The following PCDHA9 variants were observed in gnomAD, a reference collection of about 807,000 sequenced individuals.
The protein encoded by PCDHA9 is protocadherin alpha 9.
Under a neutral mutation model 62.0 loss-of-function variants are expected in PCDHA9, and 62 were observed. That is an observed-to-expected ratio of 1.00 (90% CI 0.81 to 1.23). The LOEUF (loss-of-function observed/expected upper bound fraction) is 1.23, where lower values mean the gene tolerates loss of function less well. Ranked by LOEUF, PCDHA9 falls within the 50% of genes most tolerant of loss-of-function variation. PCDHA9 has a pLI of 0.00. For missense variants in PCDHA9, 1,205 were observed against 1,249.8 expected (o/e 0.96, Z 0.54); for synonymous variants, 557 against 567.6 (o/e 0.98, Z 0.27).
At chr5:140,895,912 A>G (rs1215168324) in intron 1 of PCDHA9, among the ~76,000 whole-genome samples, 1 of 152,146 alleles carries the variant, frequency 6.6e-6, no homozygotes, top group African/African-American at 2.4e-5. Context: ...CCCGGGCTCA[A>G]CAATTATCCT....
At position 140,973,495 on chromosome 5, in the gene PCDHA9, T is replaced by TA. The variant is rs148545809; in HGVS notation, c.2395-5454_2395-5453insA. Among the ~76,000 whole-genome samples, 585 of 152,336 alleles carry TA rather than the reference T, an allele frequency of 3.8e-3. 2 individuals are homozygous for TA. Among genetic ancestry groups the TA allele is most frequent in the African/African-American group, 0.013 (553 of 41,574 alleles). ...AATTTCATATTGGTCACAGGACTCTTCTTCTGAGAAAAAGTTTATTTTCTT... is the reference window on the plus strand; with the variant it reads ...AATTTCATATTGGTCACAGGACTCTTACTTCTGAGAAAAAGTTTATTTTCTT... On this transcript the variant is annotated intron_variant, in intron 1 of 3. Coordinates refer to ENST00000532602, the MANE Select transcript of PCDHA9 (RefSeq NM_031857.2).
intron 1 of PCDHA9, chr5:140,861,595 T>G (rs1195852387): frequency 1.9e-5 from 7 of 367,584 alleles, no homozygotes; most frequent in Admixed American, 8.8e-5. Context: ...GAGGTGAAAG[T>G]GAAGAACAAT....
In PCDHA9 at chr5:141,010,293, GC is replaced by G; in HGVS notation, c.*357del. The G allele has an allele frequency of 6.5e-7, 1 of 1,549,794 alleles. No individual in the cohort carries two copies. The highest frequency in any genetic ancestry group is 8.7e-7 in the Non-Finnish European group (1 of 1,146,454). On this transcript the variant is annotated 3_prime_UTR_variant, in exon 4 of 4. Transcript: ENST00000532602. ...ATCCTGTCTTGATGACACTTGCAGG[GC>G]AGGCTGAAAAGTTTTGAGATTGAGC...
At chr5:140,877,575 C>T (rs1244471489) in intron 1 of PCDHA9, 1 of 1,613,826 alleles carries the variant, frequency 6.2e-7, no homozygotes, top group Non-Finnish European at 8.5e-7. Context: ...TGTACCTCAT[C>T]ATCGCCATCT....
chr5:140,981,691 T>C (rs1370541525), intron 2 of PCDHA9, among the ~76,000 whole-genome samples: 1 of 150,826 alleles, frequency 6.6e-6, no homozygotes, highest in East Asian at 2.1e-4. Flanking sequence ...CCTTCCATCA[T>C]TCATTCATTC....
At chr5:140,972,624 G>A (rs2096543924) in intron 1 of PCDHA9, among the ~76,000 whole-genome samples, 1 of 150,616 alleles carries the variant, frequency 6.6e-6, no homozygotes, top group Non-Finnish European at 1.5e-5. Flanking sequence ...GAATGTTGTT[G>A]GCACTCCCTT....
chr5:140,874,567 G>A (rs2055003260), intron 1 of PCDHA9, among the ~76,000 whole-genome samples: 1 of 152,180 alleles, frequency 6.6e-6, no homozygotes, highest in African/African-American at 2.4e-5. Flanking sequence ...GCATTTTAGT[G>A]CTCCATTGTT....
chr5:140,862,294 T>G, intron 1 of PCDHA9: 1 of 269,096 alleles, frequency 3.7e-6, no homozygotes, highest in Non-Finnish European at 7.3e-6. Context: ...AGGAGGACGC[T>G]CCACTGGGTA....
chr5:140,992,698 A>G (rs764226558), intron 3 of PCDHA9, among the ~76,000 whole-genome samples: 4 of 152,094 alleles, frequency 2.6e-5, no homozygotes, highest in Non-Finnish European at 4.4e-5. Flanking sequence ...GGGGTGGGTA[A>G]TGTTCCTGCC....
Position 140,931,003 on chromosome 5 carries a change from A to G in PCDHA9, c.2395-47946A>G, listed in dbSNP as rs2087240942. On this transcript the variant is annotated intron_variant, in intron 1 of 3. Coordinates refer to ENST00000532602, the MANE Select transcript of PCDHA9 (RefSeq NM_031857.2). The stretch of plus-strand genomic sequence containing the variant: ...CTTCCTCATGACCTACACTAATAAC[A>G]TAACAGAGGAATTTTCTGATTGTAG... Among the ~76,000 whole-genome samples the G allele has an allele frequency of 2.0e-5, 3 of 152,232 alleles. No homozygotes were observed. The South Asian group carries it at 6.2e-4, about 32-fold the overall frequency.
chr5:140,926,762 C>A (rs1186997274), intron 1 of PCDHA9: 5 of 1,326,554 alleles, frequency 3.8e-6, no homozygotes, highest in East Asian at 2.8e-5. Context: ...CGCTGAGTAT[C>A]CAGCCCGCAG....
chr5:140,856,041 A>T lies in PCDHA9; in HGVS notation c.2394+5152A>T, dbSNP rs797043647. Reference sequence around the variant, plus strand: ...ATTCGTCGATTTGTAAAACAAGAGAAGGATAAGATGGTTTCCAGATGTAGC... The same window carrying T: ...ATTCGTCGATTTGTAAAACAAGAGATGGATAAGATGGTTTCCAGATGTAGC... On this transcript the variant is annotated intron_variant, in intron 1 of 3. Coordinates refer to ENST00000532602, the MANE Select transcript of PCDHA9 (RefSeq NM_031857.2). 1.9e-6 allele frequency: 3 copies of T among 1,569,530 alleles called. No individual in the cohort carries two copies. The African/African-American group carries it at 4.1e-5, about 21-fold the overall frequency.
rs1562462413 is a variant in PCDHA9, at chr5:140,849,948, CAGG to C, written c.1456_1458del (p.Glu486del). 6.3e-7 allele frequency: 1 copy of C among 1,597,844 alleles called. No individual in the cohort carries two copies. The highest frequency in any genetic ancestry group is 1.7e-5 in the Admixed American group (1 of 59,302). On this transcript the variant is annotated inframe_deletion, in exon 1 of 4. Coordinates refer to ENST00000532602, the MANE Select transcript of PCDHA9 (RefSeq NM_031857.2). ...GGTGTCTGCGCGGGACGCTGACGCG[CAGG>C]AGAACGCCCTGGTGTCCTACTCGCT...
rs2094433165 is a variant in PCDHA9, at chr5:140,949,923, G to T, written c.2395-29026G>T. Among the ~76,000 whole-genome samples the T allele has an allele frequency of 2.7e-5, 4 of 150,516 alleles. No homozygotes were observed. In the South Asian group the frequency reaches 8.3e-4, roughly 31 times the overall value. On this transcript the variant is annotated intron_variant, in intron 1 of 3. Coordinates refer to ENST00000532602, the MANE Select transcript of PCDHA9 (RefSeq NM_031857.2). Reference sequence around the variant, plus strand: ...TAATTTTTAGATATAACTATTTTTAGATTTTTTTTAATTTGCATTTTTTAG... The same window carrying T: ...TAATTTTTAGATATAACTATTTTTATATTTTTTTTAATTTGCATTTTTTAG...
At chr5:140,930,245 C>T (rs1355884137) in intron 1 of PCDHA9, 2 of 152,164 alleles carry the variant, frequency 1.3e-5, no homozygotes, top group African/African-American at 4.8e-5. Flanking sequence ...AAAGTCCATT[C>T]AACTTGGATT....
chr5:140,877,310 C>A, intron 1 of PCDHA9: 2 of 1,613,938 alleles, frequency 1.2e-6, no homozygotes, highest in Non-Finnish European at 1.7e-6. Context: ...GAGTTGCAAC[C>A]GGCGGCGGTC....
At chr5:140,977,301 G>T (rs1478869150) in intron 1 of PCDHA9, among the ~76,000 whole-genome samples, 1 of 152,208 alleles carries the variant, frequency 6.6e-6, no homozygotes, top group Non-Finnish European at 1.5e-5. Context: ...CAGCTGACAA[G>T]CTAACGATAG....
chr5:140,993,463 CACACA>C (rs1563592057), intron 3 of PCDHA9, among the ~76,000 whole-genome samples: 16 of 7,580 alleles, frequency 2.1e-3, no homozygotes, highest in African/African-American at 9.9e-3. Flanking sequence ...CTTTCTTTCT[CACACA>C]CACACACACA....
At chr5:140,966,998 C>A in intron 1 of PCDHA9, 1 of 1,604,774 alleles carries the variant, frequency 6.2e-7, no homozygotes, top group Non-Finnish European at 8.5e-7. Flanking sequence ...GGGTTGCTTG[C>A]GCATCAACCA....
Sources: gnomAD v4.1 joint callset for allele counts (sites outside exome capture counted in the v4.1 genomes callset) on GRCh38, gnomAD v4.1.1 for gene constraint, MANE v1.5 for transcripts, NCBI Gene and HGNC (gene_info 2026-07-23, HGNC 2026-07-21) for gene names.